The following COX10 variants were observed in gnomAD, a reference collection of about 807,000 sequenced individuals.
The protein encoded by COX10 is cytochrome c oxidase assembly factor heme A:farnesyltransferase COX10.
A neutral mutation model predicts 37.3 loss-of-function variants in COX10; 27 were observed. The observed-to-expected ratio is 0.72, with a 90% CI of 0.53 to 1.00. COX10 has a LOEUF of 1.00. Ranked by LOEUF, COX10 falls within the 50% of genes least tolerant of loss-of-function variation. The pLI is 0.00. For synonymous variants in COX10, 222 were observed against 229.1 expected, an observed-to-expected ratio of 0.97 and a Z score of 0.28; for missense variants, 475 against 563.2, an observed-to-expected ratio of 0.84 and a Z score of 1.59.
chr17:14,080,260 G>T (rs1428738322), intron 3 of COX10, among the ~76,000 whole-genome samples: 11 of 114,384 alleles, frequency 9.6e-5, no homozygotes, highest in African/African-American at 3.8e-4. Flanking sequence ...GTCTTGCTCT[G>T]TCACCCAGGC....
chr17:14,131,926 T>C (rs1196098104), intron 4 of COX10, among the ~76,000 whole-genome samples: 1 of 151,994 alleles, frequency 6.6e-6, no homozygotes, highest in Non-Finnish European at 1.5e-5. Flanking sequence ...GAAATTAAAT[T>C]ATAAAGTGAT....
chr17:14,175,364 C>G (rs1480204981), intron 5 of COX10, among the ~76,000 whole-genome samples: 1 of 151,942 alleles, frequency 6.6e-6, no homozygotes, highest in Non-Finnish European at 1.5e-5. Flanking sequence ...TGCCTGGAAT[C>G]AAAGCCTAGC....
chr17:14,146,010 G>T (rs1904703806), intron 4 of COX10, among the ~76,000 whole-genome samples: 1 of 152,024 alleles, frequency 6.6e-6, no homozygotes, highest in Non-Finnish European at 1.5e-5. Context: ...CCTAAAGAGG[G>T]TCTGCCATAT....
intron 4 of COX10, among the ~76,000 whole-genome samples, chr17:14,121,495 A>G (rs1451442919): frequency 6.6e-6 from 1 of 152,134 alleles, no homozygotes; most frequent in East Asian, 1.9e-4. Context: ...GTATACCACG[A>G]TGGCTAGGGA....
chr17:14,112,624 A>G (rs1226088945), intron 4 of COX10, among the ~76,000 whole-genome samples: 1 of 152,166 alleles, frequency 6.6e-6, no homozygotes, highest in Non-Finnish European at 1.5e-5. Context: ...TGCCTTAGGC[A>G]AGTAAAGGAA....
intron 5 of COX10, among the ~76,000 whole-genome samples, chr17:14,166,569 C>G (rs1187765793): frequency 1.3e-5 from 2 of 150,832 alleles, no homozygotes; most frequent in African/African-American, 4.9e-5. Flanking sequence ...CCTGCCAACA[C>G]AACATCCATT....
intron 4 of COX10, among the ~76,000 whole-genome samples, chr17:14,127,918 AGTGTGTGTAT>A (rs1425519142): frequency 8.7e-6 from 1 of 115,454 alleles, no homozygotes. Flanking sequence ...AATCTTTAAG[AGTGTGTGTAT>A]GTGTGTGTGT....
intron 3 of COX10, among the ~76,000 whole-genome samples, chr17:14,099,473 A>G (rs1915727497): frequency 6.6e-6 from 1 of 152,094 alleles, no homozygotes; most frequent in South Asian, 2.1e-4. Flanking sequence ...CCAATTCATG[A>G]TTATTAGGAG....
At position 14,159,965 on chromosome 17, in the gene COX10, AG is replaced by A; in HGVS notation, c.695+19del. ...CAGATCAGGTAAAATCACGAATACAAGTGTCTTCCACATTATAAAACATTCA... is the reference window on the plus strand; with the variant it reads ...CAGATCAGGTAAAATCACGAATACAATGTCTTCCACATTATAAAACATTCA... On this transcript the variant is annotated intron_variant, in intron 5 of 6. Coordinates refer to ENST00000261643, the MANE Select transcript of COX10 (RefSeq NM_001303.4). The A allele has an allele frequency of 6.3e-7, 1 of 1,599,860 alleles. No homozygotes were observed. The highest frequency in any genetic ancestry group is 1.1e-5 in the South Asian group (1 of 90,182).
chr17:14,185,125 A>C (rs1905988153), intron 5 of COX10, among the ~76,000 whole-genome samples: 1 of 152,162 alleles, frequency 6.6e-6, no homozygotes, highest in African/African-American at 2.4e-5. Context: ...AATGATAAAA[A>C]GGAGTAAAAG....
intron 4 of COX10, among the ~76,000 whole-genome samples, chr17:14,102,605 C>A (rs970916274): frequency 6.6e-6 from 1 of 152,054 alleles, no homozygotes; most frequent in Admixed American, 6.6e-5. Context: ...GGTTTGATTT[C>A]TTTGCATTTT....
chr17:14,112,625 A>T (rs7223358), intron 4 of COX10, among the ~76,000 whole-genome samples: 151,648 of 152,248 alleles, frequency 1, 75,530 homozygotes, highest in Middle Eastern at 1. Context: ...GCCTTAGGCA[A>T]GTAAAGGAAG....
Position 14,207,257 on chromosome 17 carries a change from G to A in COX10, c.*44G>A, listed in dbSNP as rs373074821. The A allele has an allele frequency of 3.0e-5, 45 of 1,510,052 alleles. No homozygotes were observed. In the African/African-American group the frequency reaches 5.0e-4, roughly 17 times the overall value. 93.5% of individuals were successfully genotyped at this position (1,510,052 alleles called of 1,614,324 possible). On this transcript the variant is annotated 3_prime_UTR_variant, in exon 7 of 7. Transcript: ENST00000261643. ...CGCCCCTTTCCCTCCGCTGCCAGGC[G>A]AGCATGTTGTGGTAATTCTGGAACA... is the stretch of plus-strand genomic sequence containing the variant.
chr17:14,109,617 C>A (rs1219011713), intron 4 of COX10, among the ~76,000 whole-genome samples: 1 of 152,030 alleles, frequency 6.6e-6, no homozygotes, highest in African/African-American at 2.4e-5. Flanking sequence ...TGAAAGTGGT[C>A]AAATTGGGAG....
Position 14,127,927 on chromosome 17 carries a change from A to ATGTGTGTG in COX10, c.624+25716_624+25723dup, listed in dbSNP as rs67774468. ...AATTTGAATCTTTAAGAGTGTGTGT[A>ATGTGTGTG]TGTGTGTGTGTGTGTGTGTGTGTGT... On this transcript the variant is annotated intron_variant, in intron 4 of 6. Coordinates refer to ENST00000261643, the MANE Select transcript of COX10 (RefSeq NM_001303.4). Among the ~76,000 whole-genome samples, 355 of 143,696 alleles carry ATGTGTGTG rather than the reference A, an allele frequency of 2.5e-3. 3 individuals carry two copies. The highest frequency in any genetic ancestry group is 7.2e-3 in the African/African-American group (277 of 38,444). The allele number at this position is 143,696 out of a possible 152,430, so 94.3% of individuals were successfully genotyped here.
At chr17:14,143,885 C>G (rs1904624996) in intron 4 of COX10, among the ~76,000 whole-genome samples, 1 of 152,040 alleles carries the variant, frequency 6.6e-6, no homozygotes, top group Non-Finnish European at 1.5e-5. Flanking sequence ...GATGATTAAG[C>G]CAACAGGTGT....
chr17:14,198,300 T>C (rs1298192974), intron 6 of COX10, among the ~76,000 whole-genome samples: 7 of 152,190 alleles, frequency 4.6e-5, no homozygotes, highest in Non-Finnish European at 1.0e-4. Flanking sequence ...TCAACAGTGT[T>C]TATCTCCAGA....
chr17:14,111,165 A>G (rs1915999982), intron 4 of COX10, among the ~76,000 whole-genome samples: 1 of 152,202 alleles, frequency 6.6e-6, no homozygotes. Flanking sequence ...TAAGTGATTA[A>G]GTAAATCCTA....
intron 4 of COX10, among the ~76,000 whole-genome samples, chr17:14,116,523 C>T (rs1916113715): frequency 6.6e-6 from 1 of 152,118 alleles, no homozygotes; most frequent in Admixed American, 6.6e-5. Context: ...CTCTGACTTC[C>T]ATCTCAGCTA....
Sources: allele counts gnomAD v4.1 joint callset (sites outside exome capture counted in the v4.1 genomes callset), GRCh38; gene constraint gnomAD v4.1.1; transcripts MANE v1.5; gene names NCBI Gene and HGNC (gene_info 2026-07-23, HGNC 2026-07-21).